The following OR2Z1 variants were observed in gnomAD, a reference collection of about 807,000 sequenced individuals.
OR2Z1 encodes olfactory receptor 2Z1.
For synonymous variants in OR2Z1, 188 were observed against 160.6 expected (o/e 1.17, Z -1.29); for missense variants, 449 against 401.8 (o/e 1.12, Z -1.00).
At chr19:8,725,501 C>G (rs2043323764) in intron 2 of OR2Z1, among the ~76,000 whole-genome samples, 1 of 152,142 alleles carries the variant, frequency 6.6e-6, no homozygotes, top group South Asian at 2.1e-4. Flanking sequence ...CCTCAGCCTC[C>G]CAAAGCATTG....
Position 8,732,035 on chromosome 19 carries a change from T to TG in OR2Z1, c.*63dup. The TG allele has an allele frequency of 7.5e-7, 1 of 1,326,616 alleles. No individual in the cohort carries two copies. Among genetic ancestry groups the TG allele is most frequent in the East Asian group, 2.3e-5 (1 of 43,018 alleles). The allele number at this position is 1,326,616 out of a possible 1,614,324, so 82.2% of individuals were successfully genotyped here. A position where few individuals can be genotyped will look rare whatever the true frequency, so the allele number is the denominator to read the frequency against. Reference sequence around the variant, plus strand: ...CGATCCCACCCACCTTCCCAAAGTATGCATTTGGCATTCAATTGCCAATTT... The same window carrying TG: ...CGATCCCACCCACCTTCCCAAAGTATGGCATTTGGCATTCAATTGCCAATTT... On this transcript the variant is annotated 3_prime_UTR_variant, in exon 3 of 3. Transcript: ENST00000641125.
At position 8,731,019 on chromosome 19, in the gene OR2Z1, T is replaced by C. The variant is rs1218502625; in HGVS notation, c.-10T>C. The C allele has an allele frequency of 1.2e-6, 2 of 1,610,198 alleles. No homozygotes were observed. The highest frequency in any genetic ancestry group is 4.5e-5 in the East Asian group (2 of 44,834). ...TGTTCTTCCTGCAGCTAAAGTGCATTGTGTAAAACATGGGGGATGTGAATC... is the reference window on the plus strand; with the variant it reads ...TGTTCTTCCTGCAGCTAAAGTGCATCGTGTAAAACATGGGGGATGTGAATC... On this transcript the variant is annotated 5_prime_UTR_variant, in exon 3 of 3. Transcript: ENST00000641125.
intron 2 of OR2Z1, among the ~76,000 whole-genome samples, chr19:8,724,253 G>A (rs1401636691): frequency 6.6e-6 from 1 of 151,390 alleles, no homozygotes; most frequent in Non-Finnish European, 1.5e-5. Flanking sequence ...AATTGAGAGA[G>A]GGTCTCACTC....
intron 2 of OR2Z1, among the ~76,000 whole-genome samples, chr19:8,727,460 C>T (rs782817163): frequency 1.6e-4 from 24 of 152,064 alleles, no homozygotes; most frequent in South Asian, 2.1e-4. Context: ...AAAACTCAGA[C>T]GAGTTAATGG....
intron 2 of OR2Z1, among the ~76,000 whole-genome samples, chr19:8,724,419 A>T (rs1555755965): frequency 6.6e-6 from 1 of 152,024 alleles, no homozygotes; most frequent in Admixed American, 6.6e-5. Context: ...TATTTCTTGT[A>T]GAGTCGGGAT....
At chr19:8,726,150 A>G (rs1312018882) in intron 2 of OR2Z1, among the ~76,000 whole-genome samples, 2 of 152,180 alleles carry the variant, frequency 1.3e-5, no homozygotes, top group African/African-American at 4.8e-5. Context: ...TATTTTTAGT[A>G]GAGACAGGGT....
At chr19:8,729,885 C>A (rs775264144) in intron 2 of OR2Z1, among the ~76,000 whole-genome samples, 3 of 152,012 alleles carry the variant, frequency 2.0e-5, no homozygotes, top group African/African-American at 7.2e-5. Flanking sequence ...CCACCATCCC[C>A]GGGCTCCAAG....
intron 2 of OR2Z1, among the ~76,000 whole-genome samples, chr19:8,729,842 G>A (rs1261708577): frequency 2.6e-5 from 4 of 152,040 alleles, no homozygotes; most frequent in South Asian, 2.1e-4. Flanking sequence ...CACCCGCCTC[G>A]GCCTCTCAAA....
rs147384704 is a variant in OR2Z1 at position 8,731,226 on chromosome 19, C to G, written c.198C>G (p.Leu66=). The change falls in exon 3 of 3, where the codon CTC becomes CTG. Residue 66 remains leucine (L), a synonymous_variant. Transcript: ENST00000641125. ...HTPMYFLLSQ[L]SLFDIGCPMV... ...CCATGTACTTCCTGCTCAGCCAGCT[C>G]TCCCTGTTTGACATTGGCTGTCCCA... The G allele has an allele frequency of 0.024, 38,475 of 1,614,104 alleles. 554 individuals are homozygous for G. The highest frequency in any genetic ancestry group is 0.029 in the Non-Finnish European group (34,396 of 1,179,992).
chr19:8,731,972 G>C lies in OR2Z1; in HGVS notation c.944G>C (p.Ter315SerextTer7). 6.2e-7 allele frequency: 1 copy of C among 1,608,132 alleles called. No homozygotes were observed. Among genetic ancestry groups the C allele is most frequent in the South Asian group, 1.1e-5 (1 of 90,638 alleles). Residue 315 changes from the stop codon to serine, a stop_lost, in exon 3 of 3, where the codon TGA (stop) becomes TCA (serine). Coordinates refer to ENST00000641125, the MANE Select transcript of OR2Z1 (RefSeq NM_001004699.3). ...AGAGCTGGACTCAGGCAAATGTGCT[G>C]ACTACATAGAAACTGCTGGTGAGAT... Reference protein sequence around the residue: ...LSRAGLRQMC* With the variant: ...LSRAGLRQMCS
At chr19:8,723,256 G>A (rs782198308) in intron 2 of OR2Z1, 106 bp downstream of exon 2, 4 of 152,004 alleles carry the variant, frequency 2.6e-5, no homozygotes, top group Non-Finnish European at 5.9e-5. Flanking sequence ...ATACAGTCCG[G>A]ATGCTCTATT....
chr19:8,730,025 A>G (rs981338716), intron 2 of OR2Z1, among the ~76,000 whole-genome samples: 12 of 151,998 alleles, frequency 7.9e-5, no homozygotes, highest in African/African-American at 2.7e-4. Flanking sequence ...ATTCTTTTTT[A>G]TGGCTGCATA....
intron 2 of OR2Z1, among the ~76,000 whole-genome samples, chr19:8,727,565 A>AT (rs1461134507): frequency 6.6e-6 from 1 of 151,808 alleles, no homozygotes; most frequent in East Asian, 1.9e-4. Flanking sequence ...AATAATAATA[A>AT]AAAAAAACAA....
rs1318705098 is a variant in OR2Z1 at position 8,731,581 on chromosome 19, C to A, written c.553C>A (p.Leu185Met). ...CTTCTTCTGTGAGGTGCCAGCCCTA[C>A]TGAAGCTCTCCTGTGCAGATACCTG... The part of the protein sequence containing the change: ...DHFFCEVPAL[L>M]KLSCADTCAY... The change falls in exon 3 of 3, where the codon CTG becomes ATG. Residue 185 changes from leucine (L) to methionine (M), a missense_variant. Transcript: ENST00000641125. 1 of 1,614,010 alleles carries A rather than the reference C, an allele frequency of 6.2e-7. No individual in the cohort carries two copies. The highest frequency in any genetic ancestry group is 1.3e-5 in the African/African-American group (1 of 74,898).
Position 8,728,158 on chromosome 19 carries a change from C to T in OR2Z1, c.-169-2702C>T, listed in dbSNP as rs78368388. Among the ~76,000 whole-genome samples the T allele has an allele frequency of 1.4e-4, 21 of 152,350 alleles. No individual in the cohort carries two copies. In the East Asian group the frequency reaches 4.0e-3, roughly 29 times the overall value. ...CCATCCACAGTTGGGAAAGAACATT[C>T]ACCAGGTCCTGCATTTTCCATTGCT... is the stretch of plus-strand genomic sequence containing the variant. On this transcript the variant is annotated intron_variant, in intron 2 of 2. Coordinates refer to ENST00000641125, the MANE Select transcript of OR2Z1 (RefSeq NM_001004699.3).
chr19:8,727,443 T>C (rs1338038379), intron 2 of OR2Z1, among the ~76,000 whole-genome samples: 1 of 152,102 alleles, frequency 6.6e-6, no homozygotes, highest in East Asian at 1.9e-4. Context: ...TAGAAAACAA[T>C]TCAATAAAAA....
At chr19:8,727,698 C>A (rs2043333435) in intron 2 of OR2Z1, among the ~76,000 whole-genome samples, 1 of 152,204 alleles carries the variant, frequency 6.6e-6, no homozygotes. Context: ...GAAACCCTGT[C>A]TCTACTAAAA....
At position 8,731,508 on chromosome 19, in the gene OR2Z1, C is replaced by T. The variant is rs1555756773; in HGVS notation, c.480C>T (p.Thr160=). The T allele has an allele frequency of 1.2e-6, 2 of 1,614,122 alleles. No individual in the cohort carries two copies. The highest frequency in any genetic ancestry group is 1.1e-5 in the South Asian group (1 of 91,072). Residue 160 remains threonine, a synonymous_variant, in exon 3 of 3, where the codon ACC becomes ACT. Coordinates refer to ENST00000641125, the MANE Select transcript of OR2Z1 (RefSeq NM_001004699.3). Reference sequence around the variant, plus strand: ...GTGTGCTCAACGCCTCCATCCAGACCTCCATCACCCTGCATTTTCCCTACT... The same window carrying T: ...GTGTGCTCAACGCCTCCATCCAGACTTCCATCACCCTGCATTTTCCCTACT... ...VVGVLNASIQ[T]SITLHFPYCA... is the part of the protein sequence containing the mutation.
At chr19:8,722,753 A>G (rs1406235572) in intron 1 of OR2Z1, among the ~76,000 whole-genome samples, 2 of 152,172 alleles carry the variant, frequency 1.3e-5, no homozygotes, top group Non-Finnish European at 2.9e-5. Context: ...ACATAATCCC[A>G]GCACTTTGTG....
Sources: allele counts gnomAD v4.1 joint callset (sites outside exome capture counted in the v4.1 genomes callset), GRCh38; gene constraint gnomAD v4.1.1; transcripts MANE v1.5; gene names NCBI Gene and HGNC (gene_info 2026-07-23, HGNC 2026-07-21).